The following FBXO9 variants were observed in gnomAD, a reference collection of about 807,000 sequenced individuals.
FBXO9 encodes the protein F-box only protein 9.
Under a neutral mutation model 63.7 loss-of-function variants are expected in FBXO9, and 43 were observed. The ratio of observed to expected loss-of-function variants is 0.67; its 90% CI spans 0.53 to 0.87. The LOEUF is 0.87. Among genes scored for constraint, FBXO9 ranks in the 40% least tolerant of loss-of-function variants. The pLI is 0.00. For synonymous variants in FBXO9, 156 were observed against 171.7 expected, an observed-to-expected ratio of 0.91 and a Z score of 0.72; for missense variants, 442 against 533.2, an observed-to-expected ratio of 0.83 and a Z score of 1.68.
At chr6:53,080,011 G>A (rs1470020009) in intron 5 of FBXO9, among the ~76,000 whole-genome samples, 1 of 152,054 alleles carries the variant, frequency 6.6e-6, no homozygotes, top group Non-Finnish European at 1.5e-5. Context: ...GGGTAGAGTC[G>A]TTTAGACTCA....
chr6:53,086,419 G>T (rs971081557), intron 7 of FBXO9, among the ~76,000 whole-genome samples: 3 of 152,108 alleles, frequency 2.0e-5, no homozygotes, highest in Non-Finnish European at 4.4e-5. Flanking sequence ...AAGCACAGGC[G>T]TTATATTGAT....
intron 7 of FBXO9, among the ~76,000 whole-genome samples, chr6:53,088,536 A>G (rs1195608897): frequency 1.3e-5 from 2 of 152,086 alleles, no homozygotes; most frequent in Non-Finnish European, 2.9e-5. Context: ...AAATCCTGTC[A>G]GAGAAAGTCA....
chr6:53,084,318 C>T (rs1769404956), intron 7 of FBXO9, among the ~76,000 whole-genome samples: 1 of 152,132 alleles, frequency 6.6e-6, no homozygotes, highest in Admixed American at 6.5e-5. Flanking sequence ...TATCTAGGTA[C>T]AGCATGTAGT....
intron 7 of FBXO9, among the ~76,000 whole-genome samples, chr6:53,089,354 C>T (rs1762983984): frequency 2.6e-5 from 4 of 152,128 alleles, no homozygotes; most frequent in Admixed American, 1.3e-4. Flanking sequence ...GGATTACAGA[C>T]GTGAGCCACC....
At chr6:53,084,757 A>G (rs2127495268) in intron 7 of FBXO9, among the ~76,000 whole-genome samples, 1 of 152,316 alleles carries the variant, frequency 6.6e-6, no homozygotes, top group South Asian at 2.1e-4. Flanking sequence ...GTACGTGTGG[A>G]TAACAACAGG....
chr6:53,082,518 G>A lies in FBXO9; in HGVS notation c.553G>A (p.Val185Ile), dbSNP rs764349121. The change falls in exon 7 of 13, where the codon GTC (valine) becomes ATC (isoleucine). Residue 185 changes from valine to isoleucine, a missense_variant. By Grantham distance (29) the Val-to-Ile change is conservative (BLOSUM62 3). Around this residue, in one of 2 missense-constraint regions of FBXO9, gnomAD observed 262 missense variants for 362.1 expected, o/e 0.72. Transcript: ENST00000323557. ...QIHISVLPME[V>I]LMYIFRWVVS... is the part of the protein sequence containing the mutation. ...TTCTTTTGCAGTGCTGCCAATGGAGGTCCTGATGTACATCTTCCGATGGGT... is the reference window on the plus strand; with the variant it reads ...TTCTTTTGCAGTGCTGCCAATGGAGATCCTGATGTACATCTTCCGATGGGT... 6.2e-7 allele frequency: 1 copy of A among 1,612,992 alleles called. No homozygotes were observed. Among genetic ancestry groups the A allele is most frequent in the South Asian group, 1.1e-5 (1 of 90,940 alleles).
rs138933218 is a variant in FBXO9, at chr6:53,094,120, A to G, written c.1053+142A>G. ...AAATGTATATTAACTTCTAGCAATCACTGAAGAAAGCTGGAGAGTTTTCTA... is the reference window on the plus strand; with the variant it reads ...AAATGTATATTAACTTCTAGCAATCGCTGAAGAAAGCTGGAGAGTTTTCTA... On this transcript the variant is annotated intron_variant, in intron 11 of 12. Transcript: ENST00000323557. 712 of 434,274 alleles carry G rather than the reference A, an allele frequency of 1.6e-3. 8 individuals carry two copies. The highest frequency in any genetic ancestry group is 7.2e-3 in the African/African-American group (353 of 48,936). 26.9% of individuals were successfully genotyped at this position (434,274 alleles called of 1,614,324 possible). A position where few individuals can be genotyped will look rare whatever the true frequency, so the allele number is the denominator to read the frequency against.
rs897253766 is a variant in FBXO9, at chr6:53,071,205, T to G, written c.90+62T>G. ...ATTGTTCCCATACATATGCAGAAATTGATCATAATCATGGGTATTTGTAGG... is the reference window on the plus strand; with the variant it reads ...ATTGTTCCCATACATATGCAGAAATGGATCATAATCATGGGTATTTGTAGG... On this transcript the variant is annotated intron_variant, in intron 2 of 12. Transcript: ENST00000323557. The G allele has an allele frequency of 2.8e-5, 41 of 1,459,600 alleles. No homozygotes were observed. The East Asian group carries it at 5.2e-4, about 19-fold the overall frequency. The allele number at this position is 1,459,600 out of a possible 1,614,324, so 90.4% of individuals were successfully genotyped here.
intron 3 of FBXO9, among the ~76,000 whole-genome samples, chr6:53,074,511 CTGTG>C (rs1769031783): frequency 6.6e-6 from 1 of 152,188 alleles, no homozygotes; most frequent in South Asian, 2.1e-4. Context: ...AAGCACTTGT[CTGTG>C]TGTATGTGTA....
chr6:53,075,250 C>T (rs912171274), intron 3 of FBXO9, among the ~76,000 whole-genome samples: 2 of 151,746 alleles, frequency 1.3e-5, no homozygotes, highest in African/African-American at 2.4e-5. Flanking sequence ...ATTCTCGTGC[C>T]TTGGCCTCCC....
intron 1 of FBXO9, 175 bp from the exon 2 acceptor site, chr6:53,070,882 T>C: frequency 1.0e-6 from 1 of 983,424 alleles, no homozygotes; most frequent in South Asian, 2.3e-5. Flanking sequence ...TCATTTTCCT[T>C]TGGAAATTAA....
intron 3 of FBXO9, among the ~76,000 whole-genome samples, chr6:53,076,095 A>G (rs1769099441): frequency 6.6e-6 from 1 of 152,162 alleles, no homozygotes; most frequent in African/African-American, 2.4e-5. Flanking sequence ...TTCTAGATGC[A>G]AGTCTTTTAT....
chr6:53,077,472 CAAAAAAAAAAAAAAA>C lies in FBXO9; in HGVS notation c.307+943_307+957del, dbSNP rs1173539613. Among the ~76,000 whole-genome samples, 213 of 70,490 alleles carry C rather than the reference CAAAAAAAAAAAAAAA, an allele frequency of 3.0e-3. 11 individuals are homozygous for C. Among genetic ancestry groups the C allele is most frequent in the Non-Finnish European group, 4.2e-4 (17 of 40,784 alleles). 46.2% of individuals were successfully genotyped at this position (70,490 alleles called of 152,430 possible). A position where few individuals can be genotyped will look rare whatever the true frequency, so the allele number is the denominator to read the frequency against. ...TGGGCGACAGAGCGAGACTCCGTCTCAAAAAAAAAAAAAAAAAAAAAAAAAAAAGAAATATGTGGT... is the reference window on the plus strand; with the variant it reads ...TGGGCGACAGAGCGAGACTCCGTCTCAAAAAAAAAAAAAGAAATATGTGGT... On this transcript the variant is annotated intron_variant, in intron 4 of 12. Transcript: ENST00000323557.
At chr6:53,086,367 C>T (rs776282475) in intron 7 of FBXO9, among the ~76,000 whole-genome samples, 12 of 152,138 alleles carry the variant, frequency 7.9e-5, no homozygotes, top group African/African-American at 2.9e-4. Context: ...AAGCCTTAAT[C>T]CTTTTAAAGC....
intron 7 of FBXO9, among the ~76,000 whole-genome samples, chr6:53,088,512 A>G (rs1243578094): frequency 6.6e-6 from 1 of 152,182 alleles, no homozygotes; most frequent in Non-Finnish European, 1.5e-5. Context: ...TCTCCAGAGG[A>G]AAGAAAATTC....
At chr6:53,069,060 T>A (rs1768817480) in intron 1 of FBXO9, among the ~76,000 whole-genome samples, 1 of 152,160 alleles carries the variant, frequency 6.6e-6, no homozygotes, top group Non-Finnish European at 1.5e-5. Flanking sequence ...AGAAGGATCT[T>A]TGGAGCTCAG....
chr6:53,083,972 G>A (rs560590115), intron 7 of FBXO9, among the ~76,000 whole-genome samples: 1 of 152,298 alleles, frequency 6.6e-6, no homozygotes, highest in African/African-American at 2.4e-5. Flanking sequence ...AGCCACATTT[G>A]GGCAAGAAGG....
At chr6:53,087,454 GAGTTA>G (rs1213277203) in intron 7 of FBXO9, among the ~76,000 whole-genome samples, 1 of 151,770 alleles carries the variant, frequency 6.6e-6, no homozygotes, top group Admixed American at 6.6e-5. Context: ...TTGAAAGAGA[GAGTTA>G]TCACCCTAGC....
Position 53,098,070 on chromosome 6 carries a change from G to A in FBXO9, c.*240G>A. On this transcript the variant is annotated 3_prime_UTR_variant, in exon 13 of 13. Transcript: ENST00000323557. Reference sequence around the variant, plus strand: ...TAAAGGGATAGTTGATTCCTGGGGTGTTTTGAAATTAAGTTGGAATTAAGT... The same window carrying A: ...TAAAGGGATAGTTGATTCCTGGGGTATTTTGAAATTAAGTTGGAATTAAGT... The A allele has an allele frequency of 4.2e-6, 1 of 236,190 alleles. No individual in the cohort carries two copies. The highest frequency in any genetic ancestry group is 4.5e-5 in the South Asian group (1 of 22,444). 14.6% of individuals were successfully genotyped at this position (236,190 alleles called of 1,614,324 possible).
Sources: gnomAD v4.1 joint callset for allele counts (sites outside exome capture counted in the v4.1 genomes callset) on GRCh38, gnomAD v4.1.1 for gene constraint, gnomAD v4.1.1 regional missense constraint, MANE v1.5 for transcripts, NCBI Gene and HGNC (gene_info 2026-07-23, HGNC 2026-07-21) for gene names.